The following ZC3H7B variants were observed in gnomAD, a reference collection of about 807,000 sequenced individuals.
ZC3H7B encodes zinc finger CCCH-type containing 7B.
In ZC3H7B, 35 loss-of-function variants were observed where a neutral mutation model predicts 116.0. That is an observed-to-expected ratio of 0.30 (90% CI 0.23 to 0.40). The LOEUF (loss-of-function observed/expected upper bound fraction) is 0.40, where lower values mean the gene tolerates loss of function less well. Among genes scored for constraint, ZC3H7B ranks in the 10% least tolerant of loss-of-function variants. ZC3H7B has a pLI of 1.00. For synonymous variants in ZC3H7B, 502 were observed against 545.6 expected (o/e 0.92, Z 1.11); for missense variants, 1,011 against 1,321.5 (o/e 0.77, Z 3.64).
Position 41,357,243 on chromosome 22 carries a change from C to T in ZC3H7B, c.2748C>T (p.Leu916=), listed in dbSNP as rs141560184. The part of the protein sequence containing the change: ...KCRCAHGQEE[L]NEWLDRREVL... Reference sequence around the variant, plus strand: ...GCTGCGCCCATGGACAGGAGGAGCTCAACGAGTGGCTGGACCGGCGCGAGG... The same window carrying T: ...GCTGCGCCCATGGACAGGAGGAGCTTAACGAGTGGCTGGACCGGCGCGAGG... The change falls in exon 23 of 23, where the codon CTC becomes CTT. Residue 916 remains leucine, a synonymous_variant. Transcript: ENST00000352645. The surrounding 1 kb of genome is among the most constrained non-coding windows in gnomAD (Gnocchi z 5.4). The T allele has an allele frequency of 2.5e-5, 40 of 1,613,718 alleles. 1 individual carries two copies. The South Asian group carries it at 3.4e-4, about 14-fold the overall frequency.
Position 41,342,516 on chromosome 22 carries a change from C to T in ZC3H7B, c.1198-13C>T. 3 of 1,612,172 alleles carry T rather than the reference C, an allele frequency of 1.9e-6. No homozygotes were observed. The highest frequency in any genetic ancestry group is 2.7e-5 in the African/African-American group (2 of 75,050). On this transcript the variant is annotated splice_polypyrimidine_tract_variant and intron_variant, in intron 11 of 22. Transcript: ENST00000352645. ...ATCCAGTGCCCACAATGGCCTCCTT[C>T]CTCCTGTCACAGCCAGAGCCCTGCA...
chr22:41,358,727 C>G lies in ZC3H7B; in HGVS notation c.*1298C>G, dbSNP rs577752980. On this transcript the variant is annotated 3_prime_UTR_variant, in exon 23 of 23. Coordinates refer to ENST00000352645, the MANE Select transcript of ZC3H7B (RefSeq NM_017590.6). ...TGGACCCCCAGCCCCTGCCCCCACTCACCAAGGCCTCGCTCGTCCCTCTCG... is the reference window on the plus strand; with the variant it reads ...TGGACCCCCAGCCCCTGCCCCCACTGACCAAGGCCTCGCTCGTCCCTCTCG... 1.7e-4 allele frequency: 26 copies of G among 156,994 alleles called. No individual in the cohort carries two copies. Among genetic ancestry groups the G allele is most frequent in the African/African-American group, 5.8e-4 (24 of 41,594 alleles). 9.7% of individuals were successfully genotyped at this position (156,994 alleles called of 1,614,324 possible). A position where few individuals can be genotyped will look rare whatever the true frequency, so the allele number is the denominator to read the frequency against.
intron 1 of ZC3H7B, among the ~76,000 whole-genome samples, chr22:41,316,882 G>A (rs1471995316): frequency 2.6e-5 from 4 of 151,788 alleles, no homozygotes; most frequent in Admixed American, 6.6e-5. Context: ...TTGCTCTGTC[G>A]CCCAGGCTGG....
chr22:41,358,930 G>C lies in ZC3H7B; in HGVS notation c.*1501G>C, dbSNP rs148593591. ...GTAGGGGGGTGAGAAGGAGAGAAGG[G>C]ACCACCCCATTCTTCTCAAGCAAGG... On this transcript the variant is annotated 3_prime_UTR_variant, in exon 23 of 23. Transcript: ENST00000352645. 3.2e-5 allele frequency: 5 copies of C among 154,874 alleles called. No individual in the cohort carries two copies. The highest frequency in any genetic ancestry group is 1.2e-4 in the African/African-American group (5 of 41,638). The allele number at this position is 154,874 out of a possible 1,614,324, so 9.6% of individuals were successfully genotyped here.
chr22:41,316,555 G>A (rs560333363), intron 1 of ZC3H7B, among the ~76,000 whole-genome samples: 10 of 142,540 alleles, frequency 7.0e-5, no homozygotes, highest in African/African-American at 2.6e-4. Context: ...CTTGGCCTCC[G>A]AAAGTGCTGG....
Position 41,340,016 on chromosome 22 carries a change from C to T in ZC3H7B, c.1017C>T (p.Leu339=), listed in dbSNP as rs778216582. The stretch of plus-strand genomic sequence containing the variant: ...TGGCCGCCTCTGTGCTGGATGCCCT[C>T]GATCCCCCGGGCCCCACGCTGGACC... ...KKLAASVLDA[L]DPPGPTLDPL... is the part of the protein sequence containing the mutation. The change falls in exon 10 of 23, where the codon CTC becomes CTT. Residue 339 remains leucine (L), a synonymous_variant. Coordinates refer to ENST00000352645, the MANE Select transcript of ZC3H7B (RefSeq NM_017590.6). 1.1e-5 allele frequency: 18 copies of T among 1,610,926 alleles called. No homozygotes were observed. In the East Asian group the frequency reaches 2.7e-4, roughly 24 times the overall value.
At chr22:41,356,574 C>T (rs2036721178) in intron 21 of ZC3H7B, 71 bp from the exon 22 acceptor site, 3 of 1,609,596 alleles carry the variant, frequency 1.9e-6, no homozygotes, top group African/African-American at 2.7e-5. Context: ...GGCCAGCGCT[C>T]AGCCTCTCCG....
intron 5 of ZC3H7B, 41 bp from the exon 6 acceptor site, chr22:41,329,982 C>CG (rs751058941): frequency 6.2e-7 from 1 of 1,606,108 alleles, no homozygotes; most frequent in East Asian, 2.2e-5. Flanking sequence ...TTTGTGAGCC[C>CG]GGGCAGACTG....
chr22:41,345,252 A>T (rs529043857), intron 13 of ZC3H7B, among the ~76,000 whole-genome samples: 13 of 152,206 alleles, frequency 8.5e-5, no homozygotes, highest in Admixed American at 2.6e-4. Flanking sequence ...CATGCTCTTA[A>T]CCATGCAGTG....
Position 41,349,327 on chromosome 22 carries a change from G to A in ZC3H7B, c.1948+26G>A. Reference sequence around the variant, plus strand: ...GTGAGGGGCAGGCGGTGCAGGTGGAGGGCAGGTGACTCAGGTGAGGGGTAG... The same window carrying A: ...GTGAGGGGCAGGCGGTGCAGGTGGAAGGCAGGTGACTCAGGTGAGGGGTAG... On this transcript the variant is annotated intron_variant, in intron 16 of 22. Coordinates refer to ENST00000352645, the MANE Select transcript of ZC3H7B (RefSeq NM_017590.6). The surrounding 1 kb of genome is among the most constrained non-coding windows in gnomAD (Gnocchi z 4.9). 6.2e-7 allele frequency: 1 copy of A among 1,609,178 alleles called. No individual in the cohort carries two copies. Among genetic ancestry groups the A allele is most frequent in the Non-Finnish European group, 8.5e-7 (1 of 1,177,018 alleles).
At position 41,346,268 on chromosome 22, in the gene ZC3H7B, C is replaced by T; in HGVS notation, c.1665+60C>T. 6.4e-7 allele frequency: 1 copy of T among 1,566,096 alleles called. No homozygotes were observed. Among genetic ancestry groups the T allele is most frequent in the Non-Finnish European group, 8.6e-7 (1 of 1,157,054 alleles). ...CATGGCACAGACAGGGCTGGGGATG[C>T]TCCCTGGCACGGACCACCATAGGAA... On this transcript the variant is annotated intron_variant, in intron 14 of 22. Coordinates refer to ENST00000352645, the MANE Select transcript of ZC3H7B (RefSeq NM_017590.6). This position sits in a 1 kb window ranked among gnomAD's most constrained non-coding sequence, Gnocchi z 5.3.
In ZC3H7B at chr22:41,320,512, G is replaced by A. The variant is rs148147406; in HGVS notation, c.-6-143G>A. 18 of 897,826 alleles carry A rather than the reference G, an allele frequency of 2.0e-5. 1 individual carries two copies. The Admixed American group carries it at 2.2e-4, about 11-fold the overall frequency. 55.6% of individuals were successfully genotyped at this position (897,826 alleles called of 1,614,324 possible). On this transcript the variant is annotated intron_variant, in intron 1 of 22. Transcript: ENST00000352645. Reference sequence around the variant, plus strand: ...GGACACTGGCCTGAGGGTGGTCATCGCCCTCAGGGACACGCCTCCCGACAT... The same window carrying A: ...GGACACTGGCCTGAGGGTGGTCATCACCCTCAGGGACACGCCTCCCGACAT...
chr22:41,338,216 C>A lies in ZC3H7B; in HGVS notation c.583-97C>A. 3 of 1,334,634 alleles carry A rather than the reference C, an allele frequency of 2.2e-6. No homozygotes were observed. Among genetic ancestry groups the A allele is most frequent in the South Asian group, 1.3e-5 (1 of 78,402 alleles). The allele number at this position is 1,334,634 out of a possible 1,614,324, so 82.7% of individuals were successfully genotyped here. A position where few individuals can be genotyped will look rare whatever the true frequency, so the allele number is the denominator to read the frequency against. ...CTGGCACTCTAAGTGCTCCTCGGTG[C>A]TGGGTCAACAGCATAGTCACGTGGG... On this transcript the variant is annotated intron_variant, in intron 7 of 22. Coordinates refer to ENST00000352645, the MANE Select transcript of ZC3H7B (RefSeq NM_017590.6). This position sits in a 1 kb window ranked among gnomAD's most constrained non-coding sequence, Gnocchi z 4.5.
chr22:41,326,533 C>A (rs1261234952), intron 4 of ZC3H7B, among the ~76,000 whole-genome samples: 2 of 152,074 alleles, frequency 1.3e-5, no homozygotes, highest in Admixed American at 1.3e-4. Context: ...AGCCTCCTCA[C>A]TGTTCCTCCC....
At chr22:41,333,348 C>T (rs1399803133) in intron 7 of ZC3H7B, 1 of 152,142 alleles carries the variant, frequency 6.6e-6, no homozygotes. Context: ...AATTATAGGT[C>T]AGGCATGGTG....
chr22:41,327,281 C>G lies in ZC3H7B; in HGVS notation c.361C>G (p.Arg121Gly). 6.2e-7 allele frequency: 1 copy of G among 1,613,956 alleles called. No homozygotes were observed. Among genetic ancestry groups the G allele is most frequent in the Non-Finnish European group, 8.5e-7 (1 of 1,180,042 alleles). The change falls in exon 5 of 23, where the codon CGC (arginine) becomes GGC (glycine). Residue 121 changes from arginine (R) to glycine (G), a missense_variant. By Grantham distance (125) the Arg-to-Gly change is moderately radical. This residue lies in a region of ZC3H7B where 322 missense variants were observed against 443.9 expected (regional missense o/e 0.73). Transcript: ENST00000352645. The surrounding 1 kb of genome is among the most constrained non-coding windows in gnomAD (Gnocchi z 4.5). ...LDSESIRALF[R>G]KARALNELGR... is the part of the protein sequence containing the mutation. ...CAGTGAGAGTATCCGGGCGTTGTTC[C>G]GCAAGGCACGCGCTCTCAATGAACT...
intron 10 of ZC3H7B, 37 bp downstream of exon 10, chr22:41,340,174 C>G (rs890768391): frequency 1.5e-5 from 24 of 1,553,054 alleles, no homozygotes; most frequent in Non-Finnish European, 2.1e-5. Context: ...CCTCCCTGGA[C>G]AGGTTGCACA....
chr22:41,348,238 C>A, intron 15 of ZC3H7B, 71 bp downstream of exon 15: 1 of 1,395,908 alleles, frequency 7.2e-7, no homozygotes, highest in Non-Finnish European at 1.0e-6. Context: ...GCTCAGATGG[C>A]TGAGGAAAGG....
intron 1 of ZC3H7B, among the ~76,000 whole-genome samples, chr22:41,303,199 A>T (rs574704130): frequency 2.2e-4 from 34 of 152,328 alleles, no homozygotes; most frequent in African/African-American, 7.7e-4. Flanking sequence ...CAACAGTTGG[A>T]TGGAGCATGT....
Sources: gnomAD v4.1 joint callset for allele counts (sites outside exome capture counted in the v4.1 genomes callset) on GRCh38, gnomAD v4.1.1 for gene constraint, gnomAD v4.1.1 regional missense constraint, Gnocchi (gnomAD v3.1) non-coding constraint, MANE v1.5 for transcripts, NCBI Gene and HGNC (gene_info 2026-07-23, HGNC 2026-07-21) for gene names.